The following ESPNL variants were observed in gnomAD, a reference collection of about 807,000 sequenced individuals.
The protein encoded by ESPNL is espin-like protein.
A neutral mutation model predicts 46.8 loss-of-function variants in ESPNL; 49 were observed. The ratio of observed to expected loss-of-function variants is 1.05; its 90% CI spans 0.83 to 1.33. ESPNL has a LOEUF of 1.33. Among genes scored for constraint, ESPNL ranks in the 40% most tolerant of loss-of-function variants. The pLI, the probability that ESPNL is intolerant of heterozygous loss-of-function variation, is 0.00. For synonymous variants in ESPNL, 664 were observed against 662.1 expected (o/e 1.00, Z -0.04); for missense variants, 1,540 against 1,436.6 (o/e 1.07, Z -1.16).
intron 5 of ESPNL, among the ~76,000 whole-genome samples, chr2:238,120,020 G>T (rs752057266): frequency 6.6e-6 from 1 of 152,164 alleles, no homozygotes; most frequent in African/African-American, 2.4e-5. Flanking sequence ...GCTCTGCCCT[G>T]GTTTTTCCCT....
At chr2:238,126,096 CTA>C (rs753278168) in intron 6 of ESPNL, among the ~76,000 whole-genome samples, 5 of 148,890 alleles carry the variant, frequency 3.4e-5, no homozygotes, top group Non-Finnish European at 7.4e-5. Flanking sequence ...GTGACTATGT[CTA>C]TGTGATTGTG....
chr2:238,125,803 T>TGGAGTGGAGA (rs1692093419), intron 6 of ESPNL, among the ~76,000 whole-genome samples: 1 of 150,116 alleles, frequency 6.7e-6, no homozygotes, highest in African/African-American at 2.5e-5. Context: ...TGGAGTGGAG[T>TGGAGTGGAGA]GGAGTGGAAT....
Position 238,114,029 on chromosome 2 carries a change from G to A in ESPNL, c.856-2874G>A, listed in dbSNP as rs946101820. 1.3e-5 allele frequency among the ~76,000 whole-genome samples: 2 copies of A among 152,142 alleles called. No individual in the cohort carries two copies. The highest frequency in any genetic ancestry group is 6.5e-5 in the Admixed American group (1 of 15,280). On this transcript the variant is annotated intron_variant, in intron 4 of 8. Coordinates refer to ENST00000343063, the MANE Select transcript of ESPNL (RefSeq NM_194312.4). The surrounding 1 kb of genome is among the most constrained non-coding windows in gnomAD (Gnocchi z 5.0). ...AGCAGGTGACTTTTACAGTGAATCC[G>A]TGTTTCACGTCCTTGGGCAGTGGGT...
intron 6 of ESPNL, among the ~76,000 whole-genome samples, chr2:238,127,068 A>T (rs1344954727): frequency 7.0e-6 from 1 of 143,080 alleles, no homozygotes; most frequent in East Asian, 2.1e-4. Context: ...ATCTGTGTGT[A>T]TAATTGTGTC....
Position 238,104,697 on chromosome 2 carries a change from A to C in ESPNL, c.527A>C (p.Tyr176Ser), listed in dbSNP as rs111369122. 5,124 of 1,606,162 alleles carry C rather than the reference A, an allele frequency of 3.2e-3. 21 individuals carry two copies. The highest frequency in any genetic ancestry group is 3.8e-3 in the Non-Finnish European group (4,427 of 1,177,482). The change falls in exon 3 of 9, where the codon TAC becomes TCC. Residue 176 changes from tyrosine (Y) to serine (S), a missense_variant. By Grantham distance (144) the Tyr-to-Ser change is moderately radical. Transcript: ENST00000343063. ...ACACGCAGTGGCGCCTCCCCACTCT[A>C]CCTGGCCTGCCAGGAGGGCCACCTG... The part of the protein sequence containing the change: ...RRTRSGASPL[Y>S]LACQEGHLHL...
intron 1 of ESPNL, among the ~76,000 whole-genome samples, chr2:238,101,640 G>A (rs375789287): frequency 3.3e-5 from 5 of 152,162 alleles, no homozygotes; most frequent in South Asian, 4.1e-4. Flanking sequence ...AGGTGTCTGC[G>A]GGCACCCGAC....
chr2:238,104,944 C>G (rs1378050224), intron 3 of ESPNL, 102 bp downstream of exon 3: 1 of 1,057,724 alleles, frequency 9.5e-7, no homozygotes, highest in Non-Finnish European at 1.3e-6. Flanking sequence ...GAACTGGGGA[C>G]ACGCAGGGCT....
chr2:238,105,562 A>G (rs1045365154), intron 3 of ESPNL, among the ~76,000 whole-genome samples: 1 of 147,736 alleles, frequency 6.8e-6, no homozygotes, highest in Non-Finnish European at 1.5e-5. Flanking sequence ...TGAGGAGGGG[A>G]CTTGGGGGCA....
At chr2:238,122,402 A>C (rs1219745029) in intron 5 of ESPNL, among the ~76,000 whole-genome samples, 1 of 152,226 alleles carries the variant, frequency 6.6e-6, no homozygotes, top group South Asian at 2.1e-4. Context: ...GGTGCTCTCC[A>C]TAGTCCCTCA....
chr2:238,124,717 ACGTGCATG>A (rs1559265854), intron 5 of ESPNL, among the ~76,000 whole-genome samples: 35 of 135,392 alleles, frequency 2.6e-4, no homozygotes, highest in African/African-American at 9.1e-4. Flanking sequence ...GCAGGAGAGT[ACGTGCATG>A]TGTGCAGGAG....
rs774895240 is a variant in ESPNL at position 238,127,700 on chromosome 2, C to T, written c.1181C>T (p.Pro394Leu). Residue 394 changes from proline (P) to leucine (L), a missense_variant, in exon 7 of 9, where the codon CCG (proline) becomes CTG (leucine). By Grantham distance (98) the Pro-to-Leu change is moderately conservative. Coordinates refer to ENST00000343063, the MANE Select transcript of ESPNL (RefSeq NM_194312.4). ...GAGCAGATGACCAGCCCGGCCCCTC[C>T]GAGGATCATCACCAGTGCCACGGCT... Reference protein sequence around the residue: ...PREQMTSPAPPRIITSATADP... With the variant: ...PREQMTSPAPLRIITSATADP... 2.5e-6 allele frequency: 4 copies of T among 1,612,414 alleles called. No homozygotes were observed. Among genetic ancestry groups the T allele is most frequent in the Non-Finnish European group, 3.4e-6 (4 of 1,179,486 alleles).
chr2:238,103,876 G>T (rs1182234432), intron 2 of ESPNL, among the ~76,000 whole-genome samples: 2 of 152,152 alleles, frequency 1.3e-5, no homozygotes, highest in East Asian at 3.9e-4. Context: ...CAGGGGAGAG[G>T]CTGCTAGGGG....
At chr2:238,115,371 A>G (rs1169236358) in intron 4 of ESPNL, among the ~76,000 whole-genome samples, 1 of 152,158 alleles carries the variant, frequency 6.6e-6, no homozygotes, top group Admixed American at 6.5e-5. Flanking sequence ...GGCCGGGGCA[A>G]GGGAGGCTGG....
chr2:238,120,747 T>A (rs1470790102), intron 5 of ESPNL, among the ~76,000 whole-genome samples: 1 of 152,204 alleles, frequency 6.6e-6, no homozygotes, highest in African/African-American at 2.4e-5. Flanking sequence ...CTCTCACCAC[T>A]GGAGCTGTCC....
intron 8 of ESPNL, chr2:238,129,124 G>A (rs1448055832): frequency 8.5e-6 from 12 of 1,405,242 alleles, no homozygotes; most frequent in South Asian, 1.6e-5. Context: ...TGGGTCCCAC[G>A]TATCCTTCCA....
rs1691493294 is a variant in ESPNL, at chr2:238,102,045, G to A, written c.399G>A (p.Glu133=). 6.2e-7 allele frequency: 1 copy of A among 1,602,516 alleles called. No homozygotes were observed. Reference sequence around the variant, plus strand: ...ACGAGGGCCACTCGGCCACGCTAGAGACCCGGGAGGGAGCCCGGCCGCTGC... The same window carrying A: ...ACGAGGGCCACTCGGCCACGCTAGAAACCCGGGAGGGAGCCCGGCCGCTGC... The part of the protein sequence containing the change: ...LLHEGHSATL[E]TREGARPLHH... Residue 133 remains glutamate, a synonymous_variant, in exon 2 of 9, where the codon GAG becomes GAA. Transcript: ENST00000343063.
At position 238,127,746 on chromosome 2, in the gene ESPNL, A is replaced by C. The variant is rs754788856; in HGVS notation, c.1215+12A>C. On this transcript the variant is annotated intron_variant, in intron 7 of 8. Transcript: ENST00000343063. The stretch of plus-strand genomic sequence containing the variant: ...CGGCTGACCCCGAGGTTCGTCCTCC[A>C]CCCCTGCATTCCTGTCTCCCGGGGC... 3 of 1,593,872 alleles carry C rather than the reference A, an allele frequency of 1.9e-6. No homozygotes were observed. Among genetic ancestry groups the C allele is most frequent in the East Asian group, 2.3e-5 (1 of 44,098 alleles).
chr2:238,127,496 G>A, intron 6 of ESPNL, 126 bp from the exon 7 acceptor site: 1 of 1,419,758 alleles, frequency 7.0e-7, no homozygotes, highest in South Asian at 1.5e-5. Flanking sequence ...GGGTGGGCTG[G>A]GGTCAGCTCC....
intron 2 of ESPNL, 115 bp from the exon 3 acceptor site, chr2:238,104,540 GT>G: frequency 8.3e-7 from 1 of 1,201,076 alleles, no homozygotes; most frequent in Middle Eastern, 2.9e-4. Context: ...TGGAAAGCAT[GT>G]GGGAAACTCA....
Sources: gnomAD v4.1 joint callset for allele counts (sites outside exome capture counted in the v4.1 genomes callset) on GRCh38, gnomAD v4.1.1 for gene constraint, Gnocchi (gnomAD v3.1) non-coding constraint, MANE v1.5 for transcripts, NCBI Gene and HGNC (gene_info 2026-07-23, HGNC 2026-07-21) for gene names.